TRIM44: variants seen among roughly 807,000 people sequenced by gnomAD.
The protein encoded by TRIM44 is tripartite motif containing 44, also known as tripartite motif-containing protein 44.
Under a neutral mutation model 37.4 loss-of-function variants are expected in TRIM44, and 13 were observed. The observed-to-expected ratio is 0.35, with a 90% CI of 0.23 to 0.55. TRIM44 has a LOEUF of 0.55. TRIM44 is among the 20% of genes least tolerant of loss of function. TRIM44 has a pLI of 0.89. For synonymous variants in TRIM44, 175 were observed against 157.2 expected, an observed-to-expected ratio of 1.11 and a Z score of -0.85; for missense variants, 426 against 437.2, an observed-to-expected ratio of 0.97 and a Z score of 0.23.
intron 4 of TRIM44, among the ~76,000 whole-genome samples, chr11:35,769,491 A>T (rs1202110568): frequency 6.6e-6 from 1 of 152,128 alleles, no homozygotes; most frequent in Non-Finnish European, 1.5e-5. Flanking sequence ...CAGCATTCTG[A>T]TGTGCATGTT....
At chr11:35,789,402 C>T (rs1237956340) in intron 4 of TRIM44, among the ~76,000 whole-genome samples, 1 of 152,150 alleles carries the variant, frequency 6.6e-6, no homozygotes, top group African/African-American at 2.4e-5. Flanking sequence ...GGTAGTGCTT[C>T]ATACAGCGTT....
At chr11:35,677,433 A>G (rs1305854392) in intron 1 of TRIM44, among the ~76,000 whole-genome samples, 2 of 151,528 alleles carry the variant, frequency 1.3e-5, no homozygotes, top group South Asian at 2.1e-4. Context: ...ATTTTGTTCT[A>G]TTCAGCACTT....
At chr11:35,713,982 C>T (rs1852008772) in intron 2 of TRIM44, among the ~76,000 whole-genome samples, 1 of 152,138 alleles carries the variant, frequency 6.6e-6, no homozygotes, top group South Asian at 2.1e-4. Context: ...AGCCATTGCT[C>T]CTTGACACCT....
At chr11:35,752,791 A>G (rs1286620513) in intron 4 of TRIM44, among the ~76,000 whole-genome samples, 1 of 152,168 alleles carries the variant, frequency 6.6e-6, no homozygotes, top group African/African-American at 2.4e-5. Context: ...AGAGTTTCAC[A>G]TGACTCGTTC....
chr11:35,774,554 C>A (rs1852924409), intron 4 of TRIM44, among the ~76,000 whole-genome samples: 1 of 152,126 alleles, frequency 6.6e-6, no homozygotes, highest in Non-Finnish European at 1.5e-5. Flanking sequence ...CTGCCTATGT[C>A]CTGAATGGTA....
Position 35,663,240 on chromosome 11 carries a change from C to T in TRIM44, c.129C>T (p.Arg43=). 6.2e-7 allele frequency: 1 copy of T among 1,609,086 alleles called. No homozygotes were observed. Among genetic ancestry groups the T allele is most frequent in the East Asian group, 2.2e-5 (1 of 44,728 alleles). The part of the protein sequence containing the change: ...CRECGFCYCR[R]HAEAHRQKFL... Reference sequence around the variant, plus strand: ...AATGCGGCTTCTGCTACTGCCGCCGCCATGCCGAGGCGCACAGGCAGAAGT... The same window carrying T: ...AATGCGGCTTCTGCTACTGCCGCCGTCATGCCGAGGCGCACAGGCAGAAGT... The change falls in exon 1 of 5, where the codon CGC becomes CGT. Residue 43 remains arginine, a synonymous_variant. Coordinates refer to ENST00000299413, the MANE Select transcript of TRIM44 (RefSeq NM_017583.6).
chr11:35,798,189 T>A (rs1204683196), intron 4 of TRIM44, among the ~76,000 whole-genome samples: 1 of 152,236 alleles, frequency 6.6e-6, no homozygotes, highest in African/African-American at 2.4e-5. Flanking sequence ...AGTTTCTGAT[T>A]AGCTTTCCAC....
At chr11:35,748,492 ACAGACT>A (rs1344174105) in intron 4 of TRIM44, among the ~76,000 whole-genome samples, 5 of 152,220 alleles carry the variant, frequency 3.3e-5, no homozygotes, top group Non-Finnish European at 7.3e-5. Flanking sequence ...TATTCTCATA[ACAGACT>A]CAGAGATGTT....
intron 4 of TRIM44, among the ~76,000 whole-genome samples, chr11:35,805,493 T>C (rs935696821): frequency 1.3e-5 from 2 of 152,186 alleles, no homozygotes; most frequent in African/African-American, 2.4e-5. Context: ...CCTGAGGGAC[T>C]TGACAACTAT....
At chr11:35,770,708 G>A (rs2133865528) in intron 4 of TRIM44, among the ~76,000 whole-genome samples, 1 of 152,234 alleles carries the variant, frequency 6.6e-6, no homozygotes, top group Middle Eastern at 3.4e-3. Context: ...TTAGCTCTGT[G>A]TCCCCACCCA....
intron 2 of TRIM44, among the ~76,000 whole-genome samples, chr11:35,722,005 A>G (rs576954834): frequency 6.6e-6 from 1 of 152,344 alleles, no homozygotes; most frequent in Admixed American, 6.5e-5. Flanking sequence ...ATGTAGGAAT[A>G]AATGCTGAAG....
intron 4 of TRIM44, among the ~76,000 whole-genome samples, chr11:35,768,873 G>A (rs186594337): frequency 3.2e-4 from 49 of 152,274 alleles, no homozygotes; most frequent in Middle Eastern, 3.4e-3. Flanking sequence ...AAATTGATGG[G>A]TCATCAGCCA....
At position 35,746,437 on chromosome 11, in the gene TRIM44, G is replaced by A. The variant is rs542756795; in HGVS notation, c.1007+10992G>A. Among the ~76,000 whole-genome samples, 257 of 144,504 alleles carry A rather than the reference G, an allele frequency of 1.8e-3. 2 individuals are homozygous for A. Among genetic ancestry groups the A allele is most frequent in the African/African-American group, 6.3e-3 (247 of 39,180 alleles). 94.8% of individuals were successfully genotyped at this position (144,504 alleles called of 152,430 possible). A position where few individuals can be genotyped will look rare whatever the true frequency, so the allele number is the denominator to read the frequency against. On this transcript the variant is annotated intron_variant, in intron 4 of 4. Coordinates refer to ENST00000299413, the MANE Select transcript of TRIM44 (RefSeq NM_017583.6). ...AATTCTATTTTCCCAGCAGCTTCCG[G>A]GGGTCCTTCTTTTTTTTTTTTTTTT...
intron 4 of TRIM44, among the ~76,000 whole-genome samples, chr11:35,754,620 A>G (rs1279704188): frequency 3.3e-5 from 5 of 151,504 alleles, no homozygotes; most frequent in African/African-American, 9.7e-5. Context: ...TCATCATTTA[A>G]CATTAGGTAT....
At chr11:35,789,288 C>CT (rs1341027308) in intron 4 of TRIM44, among the ~76,000 whole-genome samples, 1 of 152,104 alleles carries the variant, frequency 6.6e-6, no homozygotes, top group Non-Finnish European at 1.5e-5. Context: ...CTATATTAAA[C>CT]TTGAGTCTGA....
At chr11:35,728,761 C>A (rs748649545) in intron 3 of TRIM44, among the ~76,000 whole-genome samples, 4 of 152,162 alleles carry the variant, frequency 2.6e-5, no homozygotes, top group East Asian at 1.9e-4. Flanking sequence ...TAAACATACA[C>A]CACAGTTGAA....
intron 2 of TRIM44, among the ~76,000 whole-genome samples, chr11:35,703,083 A>C: frequency 6.6e-6 from 1 of 152,232 alleles, no homozygotes; most frequent in East Asian, 1.9e-4. Flanking sequence ...CGGGCTTAAA[A>C]AACGGCGCAC....
chr11:35,705,653 T>G (rs1851869386), intron 2 of TRIM44, among the ~76,000 whole-genome samples: 1 of 149,138 alleles, frequency 6.7e-6, no homozygotes, highest in Non-Finnish European at 1.5e-5. Flanking sequence ...AACCTGCTCC[T>G]GAATGACTAC....
At chr11:35,743,068 C>T (rs1048045731) in intron 4 of TRIM44, among the ~76,000 whole-genome samples, 1 of 151,896 alleles carries the variant, frequency 6.6e-6, no homozygotes, top group Non-Finnish European at 1.5e-5. Flanking sequence ...GAAAATATAG[C>T]GTTTCTTCTG....
Sources: allele counts gnomAD v4.1 joint callset (sites outside exome capture counted in the v4.1 genomes callset), GRCh38; gene constraint gnomAD v4.1.1; transcripts MANE v1.5; gene names NCBI Gene and HGNC (gene_info 2026-07-23, HGNC 2026-07-21).